GABRB1: variants seen among roughly 807,000 people sequenced by gnomAD.
GABRB1 encodes the protein gamma-aminobutyric acid type A receptor subunit beta1.
In GABRB1, 17 loss-of-function variants were observed where a neutral mutation model predicts 51.6. The ratio of observed to expected loss-of-function variants is 0.33; its 90% CI spans 0.23 to 0.49. The LOEUF is 0.49. Ranked by LOEUF, GABRB1 falls within the 20% of genes least tolerant of loss-of-function variation. The pLI is 0.99. For missense variants in GABRB1, 410 were observed against 600.6 expected (o/e 0.68, Z 3.32); for synonymous variants, 247 against 218.9 (o/e 1.13, Z -1.14).
chr4:47,407,665 A>T (rs977553548), intron 8 of GABRB1, among the ~76,000 whole-genome samples: 1 of 152,246 alleles, frequency 6.6e-6, no homozygotes, highest in Non-Finnish European at 1.5e-5. Context: ...ACAACTGTTC[A>T]TTTAGGCACT....
intron 3 of GABRB1, among the ~76,000 whole-genome samples, chr4:47,155,916 CATATATATATATATATATATAT>C (rs10525795): frequency 1.4e-5 from 1 of 73,602 alleles, no homozygotes; most frequent in Non-Finnish European, 3.1e-5. Flanking sequence ...GAGGTATTTT[CATATATATATATATATATATAT>C]ATATATATGA....
intron 8 of GABRB1, 88 bp downstream of exon 8, chr4:47,407,014 TA>T (rs1039700583): frequency 3.9e-6 from 5 of 1,270,636 alleles, no homozygotes; most frequent in African/African-American, 1.5e-5. Context: ...AAACGATTAA[TA>T]AAAAAATAGT....
At chr4:47,327,934 C>A (rs971815293) in intron 5 of GABRB1, among the ~76,000 whole-genome samples, 19 of 152,260 alleles carry the variant, frequency 1.2e-4, no homozygotes, top group African/African-American at 2.9e-4. Context: ...CCAACAGTGT[C>A]AAAGTGTTCC....
At chr4:47,226,229 CAAAT>C (rs1311565486) in intron 4 of GABRB1, among the ~76,000 whole-genome samples, 1 of 151,926 alleles carries the variant, frequency 6.6e-6, no homozygotes, top group Non-Finnish European at 1.5e-5. Flanking sequence ...ACTGTGGAGA[CAAAT>C]TAATTAGTAA....
At position 47,403,737 on chromosome 4, in the gene GABRB1, A is replaced by G. The variant is rs759908166; in HGVS notation, c.835+26A>G. On this transcript the variant is annotated intron_variant, in intron 7 of 8. Coordinates refer to ENST00000295454, the MANE Select transcript of GABRB1 (RefSeq NM_000812.4). ...GTAATACATTCTCAGCACTGCAGAGAGCTAACAGATTTTACTTTCAAACAA... is the reference window on the plus strand; with the variant it reads ...GTAATACATTCTCAGCACTGCAGAGGGCTAACAGATTTTACTTTCAAACAA... The G allele has an allele frequency of 1.9e-6, 3 of 1,599,992 alleles. No individual in the cohort carries two copies. The African/African-American group carries it at 4.0e-5, about 21-fold the overall frequency.
At chr4:47,405,544 T>G (rs1234735583) in intron 7 of GABRB1, among the ~76,000 whole-genome samples, 1 of 152,154 alleles carries the variant, frequency 6.6e-6, no homozygotes. Context: ...TGACCCTAGC[T>G]GGGTGGCCTA....
intron 5 of GABRB1, among the ~76,000 whole-genome samples, chr4:47,384,227 T>G (rs968535282): frequency 5.3e-5 from 8 of 152,104 alleles, no homozygotes; most frequent in African/African-American, 1.9e-4. Flanking sequence ...CTTTGTTATA[T>G]GTACACACAC....
chr4:47,372,900 C>T lies in GABRB1; in HGVS notation c.545-30418C>T, dbSNP rs140999785. Among the ~76,000 whole-genome samples the T allele has an allele frequency of 4.1e-4, 63 of 152,274 alleles. No homozygotes were observed. In the East Asian group the frequency reaches 0.011, roughly 27 times the overall value. On this transcript the variant is annotated intron_variant, in intron 5 of 8. Transcript: ENST00000295454. Reference sequence around the variant, plus strand: ...ACCAACTACTACCTTCCTCTTCTCCCTCCTCACTCCCTCCCCATACTCACA... The same window carrying T: ...ACCAACTACTACCTTCCTCTTCTCCTTCCTCACTCCCTCCCCATACTCACA...
intron 4 of GABRB1, among the ~76,000 whole-genome samples, chr4:47,182,605 GT>G (rs1718999328): frequency 6.6e-6 from 1 of 151,870 alleles, no homozygotes; most frequent in Non-Finnish European, 1.5e-5. Context: ...GAGTTTTTCT[GT>G]TACCCTTTGC....
intron 4 of GABRB1, among the ~76,000 whole-genome samples, chr4:47,211,950 C>T (rs1371306148): frequency 6.6e-6 from 1 of 152,088 alleles, no homozygotes. Flanking sequence ...TAATCTCATC[C>T]CAACATCTTT....
intron 4 of GABRB1, among the ~76,000 whole-genome samples, chr4:47,247,233 A>T (rs187961899): frequency 3.9e-5 from 6 of 152,230 alleles, no homozygotes; most frequent in Non-Finnish European, 5.9e-5. Flanking sequence ...ATTCTCCTAC[A>T]TGTGACTAGC....
At chr4:47,384,160 A>G (rs1727694154) in intron 5 of GABRB1, among the ~76,000 whole-genome samples, 2 of 152,136 alleles carry the variant, frequency 1.3e-5, no homozygotes. Flanking sequence ...GAAAGAAAAA[A>G]TCATCCATAA....
chr4:47,200,842 G>A (rs181858564), intron 4 of GABRB1, among the ~76,000 whole-genome samples: 52 of 152,192 alleles, frequency 3.4e-4, no homozygotes, highest in African/African-American at 1.2e-3. Context: ...TCACTCATTT[G>A]CATAATATAG....
chr4:47,123,922 T>C (rs1356398397), intron 3 of GABRB1, among the ~76,000 whole-genome samples: 1 of 106,418 alleles, frequency 9.4e-6, no homozygotes, highest in Non-Finnish European at 1.8e-5. Context: ...TAATATATGA[T>C]ATATAATATA....
At chr4:47,006,934 C>G (rs554727342) in intron 1 of GABRB1, among the ~76,000 whole-genome samples, 4 of 152,024 alleles carry the variant, frequency 2.6e-5, no homozygotes, top group Non-Finnish European at 5.9e-5. Flanking sequence ...GCAGGTGGAT[C>G]GCTAGAGCTC....
intron 3 of GABRB1, among the ~76,000 whole-genome samples, chr4:47,137,408 C>T (rs1716716739): frequency 6.6e-6 from 1 of 151,966 alleles, no homozygotes; most frequent in Non-Finnish European, 1.5e-5. Context: ...TGATAAAATA[C>T]CCCAAGTAAA....
At chr4:47,089,955 G>A (rs1728227905) in intron 3 of GABRB1, among the ~76,000 whole-genome samples, 1 of 152,208 alleles carries the variant, frequency 6.6e-6, no homozygotes, top group South Asian at 2.1e-4. Flanking sequence ...CAAATTTAGG[G>A]CAGAAATTAT....
chr4:47,380,914 A>G (rs974285152), intron 5 of GABRB1, among the ~76,000 whole-genome samples: 2 of 152,220 alleles, frequency 1.3e-5, no homozygotes, highest in South Asian at 2.1e-4. Flanking sequence ...TCTATGGTTC[A>G]GTCTGATAAT....
At position 47,006,488 on chromosome 4, in the gene GABRB1, A is replaced by T. The variant is rs1001559481; in HGVS notation, c.-20+12562A>T. 3.9e-5 allele frequency among the ~76,000 whole-genome samples: 6 copies of T among 152,210 alleles called. No homozygotes were observed. In the East Asian group the frequency reaches 1.2e-3, roughly 29 times the overall value. On this transcript the variant is annotated intron_variant, in intron 1 of 3. Transcript: ENST00000513567. ...CTATTGCATCTATAATATGTCTTAT[A>T]ACATGAATACAAAATTATTCCAAAA...
Sources: gnomAD v4.1 joint callset for allele counts (sites outside exome capture counted in the v4.1 genomes callset) on GRCh38, gnomAD v4.1.1 for gene constraint, MANE v1.5 for transcripts, NCBI Gene and HGNC (gene_info 2026-07-23, HGNC 2026-07-21) for gene names.